Variants in BPGM observed in about 807,000 individuals in gnomAD.
BPGM encodes 2,3-bisphosphoglycerate mutase, erythrocyte.
Under a neutral mutation model 21.6 loss-of-function variants are expected in BPGM, and 15 were observed. The observed-to-expected ratio is 0.70, with a 90% CI of 0.47 to 1.07. The LOEUF is 1.07. Among genes scored for constraint, BPGM ranks in the 50% least tolerant of loss-of-function variants. The pLI, the probability that BPGM is intolerant of heterozygous loss-of-function variation, is 0.00. For missense variants in BPGM, 273 were observed against 319.0 expected, an observed-to-expected ratio of 0.86 and a Z score of 1.10; for synonymous variants, 113 against 116.2, an observed-to-expected ratio of 0.97 and a Z score of 0.18.
At chr7:134,664,411 T>A (rs1195462887) in intron 2 of BPGM, among the ~76,000 whole-genome samples, 5 of 152,212 alleles carry the variant, frequency 3.3e-5, no homozygotes, top group Non-Finnish European at 7.3e-5. Flanking sequence ...ATTCTCCTTG[T>A]GTGTGTGTTT....
chr7:134,654,561 T>C (rs1795608964), intron 1 of BPGM, among the ~76,000 whole-genome samples: 1 of 152,146 alleles, frequency 6.6e-6, no homozygotes, highest in Non-Finnish European at 1.5e-5. Flanking sequence ...CAGTGCCAAG[T>C]AACATTGAAC....
At chr7:134,663,380 G>GTT (rs1256595752) in intron 2 of BPGM, among the ~76,000 whole-genome samples, 1 of 151,872 alleles carries the variant, frequency 6.6e-6, no homozygotes, top group East Asian at 1.9e-4. Context: ...GTGTGTGTGT[G>GTT]TGTGTTTGTG....
intron 1 of BPGM, among the ~76,000 whole-genome samples, chr7:134,647,483 G>T (rs530969259): frequency 1.3e-5 from 2 of 152,310 alleles, no homozygotes; most frequent in African/African-American, 4.8e-5. Context: ...AAATAAAAAC[G>T]TAAGTGTATT....
chr7:134,668,884 G>A (rs1017305924), intron 2 of BPGM, among the ~76,000 whole-genome samples: 2 of 102,084 alleles, frequency 2.0e-5, no homozygotes, highest in East Asian at 9.6e-4. Context: ...TAGAACTATC[G>A]GGAAATAACA....
intron 1 of BPGM, among the ~76,000 whole-genome samples, chr7:134,651,965 AGAT>A (rs1387243112): frequency 6.6e-6 from 1 of 152,254 alleles, no homozygotes; most frequent in Non-Finnish European, 1.5e-5. Context: ...TCAAAATGAC[AGAT>A]GATATTTTTG....
rs572930259 is a variant in BPGM, at chr7:134,646,896, C to CA, written c.-103_-102insA. ...CTGGCTCTTTGGCGGCTCGGAGGAG[C>CA]GGCTGCTGCTGCTGCTGCTGCTGCT... On this transcript the variant is annotated 5_prime_UTR_variant, in exon 1 of 3. It removes the in-frame stop codon of an upstream open reading frame in the 5' UTR. Transcript: ENST00000344924. 4.1e-4 allele frequency: 77 copies of CA among 189,142 alleles called. No homozygotes were observed. Among genetic ancestry groups the CA allele is most frequent in the African/African-American group, 1.5e-3 (64 of 42,054 alleles). The allele number at this position is 189,142 out of a possible 1,614,324, so 11.7% of individuals were successfully genotyped here. A position where few individuals can be genotyped will look rare whatever the true frequency, so the allele number is the denominator to read the frequency against.
At chr7:134,672,014 T>C (rs893943435) in intron 2 of BPGM, among the ~76,000 whole-genome samples, 2 of 152,166 alleles carry the variant, frequency 1.3e-5, no homozygotes, top group Non-Finnish European at 2.9e-5. Flanking sequence ...CTGTTCCTGC[T>C]ATGGTGACTT....
chr7:134,669,465 C>T (rs1033662638), intron 2 of BPGM, among the ~76,000 whole-genome samples: 3 of 152,070 alleles, frequency 2.0e-5, no homozygotes, highest in South Asian at 2.1e-4. Context: ...TTGGGCCTTC[C>T]ATCCCCTCCT....
intron 2 of BPGM, among the ~76,000 whole-genome samples, chr7:134,662,397 TG>T (rs1451431999): frequency 6.6e-6 from 1 of 152,220 alleles, no homozygotes; most frequent in Non-Finnish European, 1.5e-5. Flanking sequence ...TCAGTAGGTC[TG>T]GGGCGCACCC....
intron 2 of BPGM, among the ~76,000 whole-genome samples, chr7:134,669,211 C>G (rs926648245): frequency 1.3e-5 from 2 of 152,142 alleles, no homozygotes; most frequent in Admixed American, 1.3e-4. Flanking sequence ...CCTTTGAAAA[C>G]TAACCTGGAG....
intron 1 of BPGM, among the ~76,000 whole-genome samples, chr7:134,659,379 G>A (rs1309129365): frequency 3.0e-5 from 3 of 99,750 alleles, no homozygotes; most frequent in African/African-American, 1.5e-4. Flanking sequence ...CTCCGTGTGT[G>A]TGTGTGTGTG....
At chr7:134,659,849 G>T (rs1211091765) in intron 1 of BPGM, among the ~76,000 whole-genome samples, 2 of 152,222 alleles carry the variant, frequency 1.3e-5, no homozygotes, top group Non-Finnish European at 2.9e-5. Context: ...CATCTGATAT[G>T]TGGCACTTGA....
At chr7:134,655,344 C>T (rs1312431435) in intron 1 of BPGM, among the ~76,000 whole-genome samples, 8 of 152,008 alleles carry the variant, frequency 5.3e-5, no homozygotes, top group Admixed American at 5.2e-4. Context: ...TGTTCGTTTG[C>T]GTTTGATGAA....
At chr7:134,653,734 G>C (rs1435047444) in intron 1 of BPGM, among the ~76,000 whole-genome samples, 1 of 152,148 alleles carries the variant, frequency 6.6e-6, no homozygotes, top group Non-Finnish European at 1.5e-5. Context: ...TAATAATGAT[G>C]CATGTGCCTC....
At chr7:134,660,210 A>G (rs1273518245) in intron 1 of BPGM, among the ~76,000 whole-genome samples, 3 of 152,184 alleles carry the variant, frequency 2.0e-5, no homozygotes, top group African/African-American at 7.2e-5. Context: ...CTAGATTCCA[A>G]TCAATTTTGC....
At chr7:134,648,316 G>C (rs967036984) in intron 1 of BPGM, among the ~76,000 whole-genome samples, 1 of 150,794 alleles carries the variant, frequency 6.6e-6, no homozygotes, top group African/African-American at 2.4e-5. Context: ...TGTGTTTTTA[G>C]TAGAGACAGG....
chr7:134,668,525 A>G (rs569755239), intron 2 of BPGM, among the ~76,000 whole-genome samples: 104 of 152,284 alleles, frequency 6.8e-4, no homozygotes, highest in African/African-American at 2.4e-3. Flanking sequence ...ATACGGGATG[A>G]CCTTTATTCA....
chr7:134,652,312 G>A (rs779994591), intron 1 of BPGM, among the ~76,000 whole-genome samples: 1 of 152,012 alleles, frequency 6.6e-6, no homozygotes, highest in Non-Finnish European at 1.5e-5. Context: ...GGCCTATACC[G>A]TTTTTTAAAA....
At chr7:134,665,207 T>C (rs1315246535) in intron 2 of BPGM, among the ~76,000 whole-genome samples, 1 of 152,066 alleles carries the variant, frequency 6.6e-6, no homozygotes, top group African/African-American at 2.4e-5. Flanking sequence ...ATAACAAAAC[T>C]GAAATGCATG....
Sources: allele counts gnomAD v4.1 joint callset (sites outside exome capture counted in the v4.1 genomes callset), GRCh38; gene constraint gnomAD v4.1.1; transcripts MANE v1.5; gene names NCBI Gene and HGNC (gene_info 2026-07-23, HGNC 2026-07-21).